Variants in KCTD8 observed in about 807,000 individuals in gnomAD.
The protein encoded by KCTD8 is BTB/POZ domain-containing protein KCTD8.
Under a neutral mutation model 31.5 loss-of-function variants are expected in KCTD8, and 27 were observed. That is an observed-to-expected ratio of 0.86 (90% CI 0.63 to 1.18). KCTD8 has a LOEUF of 1.18. KCTD8 is among the 50% of genes most tolerant of loss of function. KCTD8 has a pLI of 0.00. For missense variants in KCTD8, 658 were observed against 647.7 expected, an observed-to-expected ratio of 1.02 and a Z score of -0.17; for synonymous variants, 290 against 280.0, an observed-to-expected ratio of 1.04 and a Z score of -0.36.
At chr4:44,398,964 T>C (rs975887570) in intron 1 of KCTD8, among the ~76,000 whole-genome samples, 2 of 152,202 alleles carry the variant, frequency 1.3e-5, no homozygotes, top group Admixed American at 6.5e-5. Context: ...CTGGATTTAA[T>C]TTTAAGTCAG....
intron 1 of KCTD8, among the ~76,000 whole-genome samples, chr4:44,400,122 T>G (rs558936946): frequency 6.6e-6 from 1 of 152,336 alleles, no homozygotes; most frequent in South Asian, 2.1e-4. Flanking sequence ...ATTTGCATTA[T>G]TTCATTACTA....
At chr4:44,295,404 T>A (rs943502358) in intron 1 of KCTD8, among the ~76,000 whole-genome samples, 1 of 152,164 alleles carries the variant, frequency 6.6e-6, no homozygotes, top group Non-Finnish European at 1.5e-5. Context: ...CTGGGCTTAA[T>A]AGCTCTTAAA....
intron 1 of KCTD8, among the ~76,000 whole-genome samples, chr4:44,336,652 T>C (rs958291753): frequency 4.6e-5 from 7 of 152,104 alleles, no homozygotes; most frequent in Non-Finnish European, 8.8e-5. Flanking sequence ...GAAAATCTCA[T>C]TTAAATGTCC....
chr4:44,401,182 T>C (rs1329959301), intron 1 of KCTD8, among the ~76,000 whole-genome samples: 3 of 151,864 alleles, frequency 2.0e-5, no homozygotes, highest in East Asian at 3.9e-4. Flanking sequence ...TTTCTTAAGA[T>C]GTAGTTGGGT....
intron 1 of KCTD8, among the ~76,000 whole-genome samples, chr4:44,209,687 T>A (rs1432092192): frequency 2.0e-5 from 3 of 152,184 alleles, no homozygotes; most frequent in Admixed American, 6.5e-5. Context: ...TTATATACAT[T>A]TCTATTTTGT....
intron 1 of KCTD8, among the ~76,000 whole-genome samples, chr4:44,436,286 A>G (rs1721642622): frequency 6.6e-6 from 1 of 152,126 alleles, no homozygotes; most frequent in South Asian, 2.1e-4. Flanking sequence ...TACTACAAGA[A>G]AGCAAGCAGC....
chr4:44,428,039 T>C (rs1721389282), intron 1 of KCTD8, among the ~76,000 whole-genome samples: 1 of 151,562 alleles, frequency 6.6e-6, no homozygotes, highest in Admixed American at 6.6e-5. Context: ...GCCTAGGGGA[T>C]TGGGTTGGGT....
intron 1 of KCTD8, among the ~76,000 whole-genome samples, chr4:44,220,900 C>G (rs1714789751): frequency 6.6e-6 from 1 of 152,122 alleles, no homozygotes; most frequent in Non-Finnish European, 1.5e-5. Context: ...TCATGAGAAT[C>G]CTGGCTTTCT....
Position 44,282,346 on chromosome 4 carries a change from A to G in KCTD8, c.962-107096T>C, listed in dbSNP as rs1716925880. 1.3e-5 allele frequency among the ~76,000 whole-genome samples: 2 copies of G among 152,114 alleles called. 1 individual carries two copies. Among genetic ancestry groups the G allele is most frequent in the Admixed American group, 1.3e-4 (2 of 15,244 alleles). On this transcript the variant is annotated intron_variant, in intron 1 of 1. Transcript: ENST00000360029. ...TTACTATTGTAATTGTTTTTGAGGC[A>G]TCACCAACCACACCCATCAAAGATG...
intron 1 of KCTD8, among the ~76,000 whole-genome samples, chr4:44,281,244 T>TG (rs1251149392): frequency 6.6e-6 from 1 of 152,140 alleles, no homozygotes; most frequent in Non-Finnish European, 1.5e-5. Flanking sequence ...AAAATAATGC[T>TG]GATCACATTC....
At chr4:44,413,926 C>T (rs2109465718) in intron 1 of KCTD8, among the ~76,000 whole-genome samples, 1 of 152,222 alleles carries the variant, frequency 6.6e-6, no homozygotes, top group South Asian at 2.1e-4. Flanking sequence ...GGATGCTACA[C>T]TGCTGGCTTT....
At chr4:44,354,813 C>T (rs1719300988) in intron 1 of KCTD8, among the ~76,000 whole-genome samples, 1 of 152,036 alleles carries the variant, frequency 6.6e-6, no homozygotes, top group African/African-American at 2.4e-5. Context: ...TATAAATTCC[C>T]CAAGGAAGAG....
intron 1 of KCTD8, among the ~76,000 whole-genome samples, chr4:44,424,186 C>G (rs1262559285): frequency 6.6e-6 from 1 of 151,984 alleles, no homozygotes; most frequent in African/African-American, 2.4e-5. Context: ...GTTAGTCAGT[C>G]TTTTCTAAAT....
chr4:44,298,973 T>G (rs1717526498), intron 1 of KCTD8, among the ~76,000 whole-genome samples: 2 of 152,168 alleles, frequency 1.3e-5, no homozygotes, highest in South Asian at 4.1e-4. Context: ...GTTCCAAGTT[T>G]TCAATGGCAA....
chr4:44,440,328 G>A (rs903472169), intron 1 of KCTD8, among the ~76,000 whole-genome samples: 2 of 152,022 alleles, frequency 1.3e-5, no homozygotes, highest in African/African-American at 2.4e-5. Flanking sequence ...ATTTTAATCT[G>A]TTCCATATTT....
chr4:44,249,371 T>G lies in KCTD8; in HGVS notation c.962-74121A>C, dbSNP rs551466933. On this transcript the variant is annotated intron_variant, in intron 1 of 1. Coordinates refer to ENST00000360029, the MANE Select transcript of KCTD8 (RefSeq NM_198353.3). Reference sequence around the variant, plus strand: ...TCCTTTACAAGTCATTACATTCTAATGCATATTTTTAAAATTATAAAATAT... The same window carrying G: ...TCCTTTACAAGTCATTACATTCTAAGGCATATTTTTAAAATTATAAAATAT... Among the ~76,000 whole-genome samples, 3 of 151,976 alleles carry G rather than the reference T, an allele frequency of 2.0e-5. No individual in the cohort carries two copies. The South Asian group carries it at 6.2e-4, about 32-fold the overall frequency.
At chr4:44,295,011 G>A (rs1206989469) in intron 1 of KCTD8, among the ~76,000 whole-genome samples, 1 of 152,132 alleles carries the variant, frequency 6.6e-6, no homozygotes, top group African/African-American at 2.4e-5. Context: ...AGAGAAACTA[G>A]GTCCCGCAGG....
chr4:44,274,493 A>C (rs1258153384), intron 1 of KCTD8, among the ~76,000 whole-genome samples: 2 of 151,910 alleles, frequency 1.3e-5, no homozygotes, highest in Non-Finnish European at 2.9e-5. Flanking sequence ...TCAGACATAA[A>C]GTGAAACATC....
At chr4:44,301,417 C>A (rs1344631155) in intron 1 of KCTD8, among the ~76,000 whole-genome samples, 1 of 152,056 alleles carries the variant, frequency 6.6e-6, no homozygotes, top group African/African-American at 2.4e-5. Flanking sequence ...TTCTAACTGG[C>A]GTGAGATGTT....
Sources: gnomAD v4.1 joint callset for allele counts (sites outside exome capture counted in the v4.1 genomes callset) on GRCh38, gnomAD v4.1.1 for gene constraint, MANE v1.5 for transcripts, NCBI Gene and HGNC (gene_info 2026-07-23, HGNC 2026-07-21) for gene names.